Variants in NCAM2 observed in about 807,000 individuals in gnomAD.
The protein encoded by NCAM2 is neural cell adhesion molecule 2.
In NCAM2, 30 loss-of-function variants were observed where a neutral mutation model predicts 98.1. The ratio of observed to expected loss-of-function variants is 0.31; its 90% CI spans 0.23 to 0.41. NCAM2 has a LOEUF of 0.41. NCAM2 is among the 10% of genes least tolerant of loss of function. The probability of loss-of-function intolerance (pLI) is 1.00; values close to 1 mark genes in which losing one functional copy is unlikely to be tolerated. For missense variants in NCAM2, 867 were observed against 1,005.8 expected (o/e 0.86, Z 1.87); for synonymous variants, 368 against 342.4 (o/e 1.07, Z -0.83).
intron 1 of NCAM2, among the ~76,000 whole-genome samples, chr21:21,158,977 T>A (rs1320846823): frequency 6.6e-6 from 1 of 152,092 alleles, no homozygotes; most frequent in African/African-American, 2.4e-5. Flanking sequence ...AGAGGATAGC[T>A]CCATGATGTT....
Position 21,384,271 on chromosome 21 carries a change from A to G in NCAM2, c.1195+10258A>G, listed in dbSNP as rs1346879953. The stretch of plus-strand genomic sequence containing the variant: ...AAATTTTGTCATGGATTATATTTAC[A>G]TATTTTATTTTATTTTTTATTTCTA... On this transcript the variant is annotated intron_variant, in intron 9 of 17. Transcript: ENST00000400546. 2.0e-5 allele frequency among the ~76,000 whole-genome samples: 3 copies of G among 151,784 alleles called. No homozygotes were observed. In the East Asian group the frequency reaches 5.8e-4, roughly 29 times the overall value.
intron 8 of NCAM2, among the ~76,000 whole-genome samples, chr21:21,344,757 G>T (rs1568958618): frequency 3.3e-5 from 5 of 152,144 alleles, no homozygotes; most frequent in Admixed American, 6.5e-5. Context: ...CCTGCTGATT[G>T]TAGAGCCCTA....
intron 1 of NCAM2, among the ~76,000 whole-genome samples, chr21:21,224,503 G>A (rs1329271831): frequency 6.6e-6 from 1 of 152,046 alleles, no homozygotes; most frequent in East Asian, 1.9e-4. Flanking sequence ...TGTAATCATT[G>A]CAAAAGCACA....
At chr21:21,480,040 G>A (rs233749) in intron 15 of NCAM2, among the ~76,000 whole-genome samples, 84,892 of 151,952 alleles carry the variant, frequency 0.56, 25,184 homozygotes, top group African/African-American at 0.7. Flanking sequence ...TCCACAGTCT[G>A]GTAGAGAAGA....
intron 16 of NCAM2, 124 bp from the exon 17 acceptor site, chr21:21,534,413 T>C (rs991179918): frequency 4.5e-5 from 35 of 784,260 alleles, no homozygotes; most frequent in Admixed American, 3.7e-5. Flanking sequence ...AGTGGTTTTC[T>C]TAAATTAACC....
intron 1 of NCAM2, among the ~76,000 whole-genome samples, chr21:21,135,079 CAAAAAA>C (rs34541675): frequency 1.9e-4 from 27 of 139,542 alleles, no homozygotes; most frequent in East Asian, 2.2e-4. Context: ...ACTAAAAATA[CAAAAAA>C]AAAAAAAAAA....
intron 16 of NCAM2, among the ~76,000 whole-genome samples, chr21:21,531,345 T>C (rs1257182078): frequency 1.3e-5 from 2 of 152,346 alleles, no homozygotes; most frequent in East Asian, 3.9e-4. Context: ...TATTTCCAAA[T>C]GTAAATTCTC....
chr21:21,240,631 AT>A (rs1467346137), intron 1 of NCAM2, among the ~76,000 whole-genome samples: 11 of 152,168 alleles, frequency 7.2e-5, no homozygotes, highest in African/African-American at 2.7e-4. Flanking sequence ...CTTCTGTGAA[AT>A]TTTGAATTTT....
intron 12 of NCAM2, among the ~76,000 whole-genome samples, chr21:21,454,866 G>A (rs1238323740): frequency 1.3e-5 from 2 of 151,766 alleles, no homozygotes; most frequent in South Asian, 2.1e-4. Context: ...TTAATAAATA[G>A]AAAAAGAAAT....
chr21:21,358,074 C>T, intron 8 of NCAM2, among the ~76,000 whole-genome samples: 1 of 152,078 alleles, frequency 6.6e-6, no homozygotes, highest in East Asian at 1.9e-4. Context: ...AAGAGAATGT[C>T]TATTCCCTTG....
intron 1 of NCAM2, among the ~76,000 whole-genome samples, chr21:21,064,819 T>C (rs1246138862): frequency 1.3e-5 from 2 of 152,190 alleles, no homozygotes; most frequent in Non-Finnish European, 2.9e-5. Context: ...AGATGTCAAA[T>C]GAGTTAAGAA....
chr21:21,216,381 T>C (rs2069901597), intron 1 of NCAM2, among the ~76,000 whole-genome samples: 1 of 152,186 alleles, frequency 6.6e-6, no homozygotes, highest in Admixed American at 6.6e-5. Context: ...AATCACATTT[T>C]TTCTTCCCTT....
chr21:21,153,134 TCAA>T (rs2067497124), intron 1 of NCAM2, among the ~76,000 whole-genome samples: 1 of 151,786 alleles, frequency 6.6e-6, no homozygotes, highest in East Asian at 1.9e-4. Context: ...TTGTCTGGAG[TCAA>T]CTATACCGTC....
chr21:21,507,896 G>A (rs945181669), intron 15 of NCAM2, among the ~76,000 whole-genome samples: 2 of 150,926 alleles, frequency 1.3e-5, no homozygotes, highest in African/African-American at 4.9e-5. Flanking sequence ...TATTCTTCTA[G>A]ATAATACATT....
At chr21:21,055,645 A>T (rs544221961) in intron 1 of NCAM2, among the ~76,000 whole-genome samples, 1 of 152,046 alleles carries the variant, frequency 6.6e-6, no homozygotes, top group Non-Finnish European at 1.5e-5. Flanking sequence ...CTCAACACAA[A>T]ATGGAGATCA....
intron 8 of NCAM2, among the ~76,000 whole-genome samples, chr21:21,346,584 C>A (rs2075195263): frequency 6.6e-6 from 1 of 152,034 alleles, no homozygotes; most frequent in African/African-American, 2.4e-5. Flanking sequence ...AATACACATT[C>A]TTTTCCTCAG....
intron 9 of NCAM2, among the ~76,000 whole-genome samples, chr21:21,399,448 G>A (rs113740926): frequency 3.3e-5 from 5 of 152,252 alleles, no homozygotes; most frequent in African/African-American, 1.2e-4. Flanking sequence ...TGGAAAAGAG[G>A]AAGATATTTC....
At chr21:21,408,816 G>A (rs2076794240) in intron 9 of NCAM2, among the ~76,000 whole-genome samples, 3 of 151,750 alleles carry the variant, frequency 2.0e-5, no homozygotes, top group Admixed American at 2.0e-4. Context: ...GATTCAGTAA[G>A]CATTTCAGAC....
chr21:21,301,308 G>A (rs1412382523), intron 5 of NCAM2, among the ~76,000 whole-genome samples: 3 of 151,852 alleles, frequency 2.0e-5, no homozygotes, highest in East Asian at 3.9e-4. Context: ...AATTATTTGC[G>A]AAATTGGATG....
Sources: allele counts gnomAD v4.1 joint callset (sites outside exome capture counted in the v4.1 genomes callset), GRCh38; gene constraint gnomAD v4.1.1; transcripts MANE v1.5; gene names NCBI Gene and HGNC (gene_info 2026-07-23, HGNC 2026-07-21).